AZIN1: variants seen among roughly 807,000 people sequenced by gnomAD.
AZIN1 encodes the protein antizyme inhibitor 1.
Under a neutral mutation model 47.4 loss-of-function variants are expected in AZIN1, and 12 were observed. The ratio of observed to expected loss-of-function variants is 0.25; its 90% CI spans 0.16 to 0.41. The LOEUF (loss-of-function observed/expected upper bound fraction) is 0.41, where lower values mean the gene tolerates loss of function less well. Ranked by LOEUF, AZIN1 falls within the 10% of genes least tolerant of loss-of-function variation. The pLI is 1.00. For missense variants in AZIN1, 410 were observed against 532.4 expected, an observed-to-expected ratio of 0.77 and a Z score of 2.26; for synonymous variants, 155 against 176.3, an observed-to-expected ratio of 0.88 and a Z score of 0.96.
chr8:102,835,008 A>G (rs1811727871), intron 6 of AZIN1: 1 of 353,290 alleles, frequency 2.8e-6, no homozygotes, highest in Non-Finnish European at 5.1e-6. Context: ...GTACTGTTCC[A>G]CGGTTATACA....
At chr8:102,842,443 C>T (rs990433380) in intron 3 of AZIN1, among the ~76,000 whole-genome samples, 9 of 152,034 alleles carry the variant, frequency 5.9e-5, no homozygotes, top group East Asian at 1.9e-4. Flanking sequence ...CAGTGGCTCA[C>T]GCCTGTAATC....
At chr8:102,832,576 G>A (rs1177208205) in intron 9 of AZIN1, among the ~76,000 whole-genome samples, 1 of 151,996 alleles carries the variant, frequency 6.6e-6, no homozygotes, top group East Asian at 1.9e-4. Context: ...TAAAACACAC[G>A]TATCTAAACA....
intron 8 of AZIN1, among the ~76,000 whole-genome samples, chr8:102,833,743 G>A (rs1811625034): frequency 7.6e-6 from 1 of 131,118 alleles, no homozygotes; most frequent in South Asian, 2.6e-4. Context: ...GGGCAATATA[G>A]AAAGACTCAA....
At chr8:102,859,828 C>A (rs1813520165) in intron 1 of AZIN1, among the ~76,000 whole-genome samples, 1 of 152,030 alleles carries the variant, frequency 6.6e-6, no homozygotes, top group South Asian at 2.1e-4. Context: ...AGAGGGAGAA[C>A]CTGTCTCCAA....
intron 2 of AZIN1, among the ~76,000 whole-genome samples, chr8:102,849,025 G>C (rs1464482626): frequency 6.6e-6 from 1 of 151,990 alleles, no homozygotes; most frequent in Non-Finnish European, 1.5e-5. Context: ...AACACCACAG[G>C]GGGCTGGGCA....
At chr8:102,835,921 A>G (rs1381706963) in intron 6 of AZIN1, among the ~76,000 whole-genome samples, 1 of 152,206 alleles carries the variant, frequency 6.6e-6, no homozygotes, top group Non-Finnish European at 1.5e-5. Flanking sequence ...AAAAAGTCTG[A>G]CACTTTTATT....
rs1062365 is a variant in AZIN1, at chr8:102,826,446, A to G, written c.*2121T>C. 4,875 of 152,748 alleles carry G rather than the reference A, an allele frequency of 0.032. 110 individuals are homozygous for G. The highest frequency in any genetic ancestry group is 0.046 in the Non-Finnish European group (3,101 of 68,022). The allele number at this position is 152,748 out of a possible 1,614,324, so 9.5% of individuals were successfully genotyped here. A position where few individuals can be genotyped will look rare whatever the true frequency, so the allele number is the denominator to read the frequency against. ...TACTATATAGAAATCATTGGGTTTT[A>G]TATTTGCAGTTAACTTTTGAACTGA... On this transcript the variant is annotated 3_prime_UTR_variant, in exon 12 of 12. Transcript: ENST00000337198.
In AZIN1 at chr8:102,828,628, A is replaced by T. The variant is rs371255285; in HGVS notation, c.1286T>A (p.Phe429Tyr). The T allele has an allele frequency of 5.0e-6, 8 of 1,611,704 alleles. No individual in the cohort carries two copies. Among genetic ancestry groups the T allele is most frequent in the Non-Finnish European group, 5.1e-6 (6 of 1,178,202 alleles). ...CTGAATGCAAGAAGGCACAAAGAAG[A>T]AGTTCTTCATCATTGAGTCTGAAGT... The part of the protein sequence containing the change: ...GITSDSMMKN[F>Y]FFVPSCIQLS... Residue 429 changes from phenylalanine to tyrosine, a missense_variant, in exon 12 of 12, where the codon TTC (phenylalanine) becomes TAC (tyrosine). By Grantham distance (22) the Phe-to-Tyr change is conservative (BLOSUM62 3). Coordinates refer to ENST00000337198, the MANE Select transcript of AZIN1 (RefSeq NM_148174.4).
upstream of AZIN1, chr8:102,864,198 T>A (rs1168645017): frequency 5.1e-5 from 10 of 195,448 alleles, no homozygotes; most frequent in Non-Finnish European, 9.5e-5. Context: ...GTATTTATAT[T>A]AGGGGGCGTG....
intron 1 of AZIN1, chr8:102,859,284 CTAAA>C (rs1320746619): frequency 1.3e-5 from 2 of 152,156 alleles, no homozygotes; most frequent in Non-Finnish European, 2.9e-5. Flanking sequence ...ACGTAATTTT[CTAAA>C]TAAATAAAAA....
chr8:102,849,843 T>G (rs1179720658), intron 2 of AZIN1, among the ~76,000 whole-genome samples: 2 of 152,126 alleles, frequency 1.3e-5, no homozygotes, highest in Non-Finnish European at 2.9e-5. Flanking sequence ...TTTAATACAT[T>G]TTTCCATGAA....
intron 1 of AZIN1, among the ~76,000 whole-genome samples, chr8:102,861,167 G>A (rs1813623373): frequency 1.3e-5 from 2 of 152,324 alleles, no homozygotes; most frequent in East Asian, 1.9e-4. Flanking sequence ...TGAAGAAACT[G>A]TATCTTTGTG....
chr8:102,856,111 C>A (rs1586205546), intron 2 of AZIN1: 1 of 129,962 alleles, frequency 7.7e-6, no homozygotes, highest in Non-Finnish European at 1.7e-5. Context: ...TTTTTTTTCC[C>A]AAATCAGTTA....
chr8:102,861,882 T>C (rs965032979), intron 1 of AZIN1, among the ~76,000 whole-genome samples: 5 of 151,870 alleles, frequency 3.3e-5, no homozygotes, highest in African/African-American at 4.8e-5. Flanking sequence ...CTACTAAAAA[T>C]ACAAAAATTA....
chr8:102,843,199 C>G (rs1429649645), intron 3 of AZIN1, among the ~76,000 whole-genome samples: 1 of 118,718 alleles, frequency 8.4e-6, no homozygotes, highest in African/African-American at 3.6e-5. Flanking sequence ...GCGTGAGACT[C>G]GTCTCCAAAA....
In AZIN1 at chr8:102,834,735, C is replaced by A; in HGVS notation, c.597G>T (p.Ser199=). 8.1e-6 allele frequency: 13 copies of A among 1,610,422 alleles called. No homozygotes were observed. The highest frequency in any genetic ancestry group is 1.1e-5 in the Non-Finnish European group (13 of 1,177,630). Residue 199 remains serine (S), a synonymous_variant, in exon 7 of 12, where the codon TCG becomes TCT. Coordinates refer to ENST00000337198, the MANE Select transcript of AZIN1 (RefSeq NM_148174.4). Reference sequence around the variant, plus strand: ...ATACTTGAGATTCTTTGCAAGCACTCGAAACATGAAATCTGAAACACATAG... The same window carrying A: ...ATACTTGAGATTCTTTGCAAGCACTAGAAACATGAAATCTGAAACACATAG... ...VQIIGVKFHV[S]SACKESQVYV... is the part of the protein sequence containing the mutation.
chr8:102,854,509 A>C (rs1460150242), intron 2 of AZIN1: 1 of 151,050 alleles, frequency 6.6e-6, no homozygotes, highest in African/African-American at 2.4e-5. Context: ...AGGCGGAAGA[A>C]TCAGTTGAAC....
intron 2 of AZIN1, among the ~76,000 whole-genome samples, chr8:102,844,075 A>G (rs1439936339): frequency 6.6e-6 from 1 of 152,216 alleles, no homozygotes; most frequent in Admixed American, 6.5e-5. Context: ...AACACACATA[A>G]TTTTACCCAT....
chr8:102,847,943 A>C (rs1812676439), intron 2 of AZIN1, among the ~76,000 whole-genome samples: 1 of 152,204 alleles, frequency 6.6e-6, no homozygotes, highest in African/African-American at 2.4e-5. Flanking sequence ...CAAGCAATCC[A>C]GATGTATAGT....
Sources: allele counts gnomAD v4.1 joint callset (sites outside exome capture counted in the v4.1 genomes callset), GRCh38; gene constraint gnomAD v4.1.1; transcripts MANE v1.5; gene names NCBI Gene and HGNC (gene_info 2026-07-23, HGNC 2026-07-21).